SLC35F3: variants seen among roughly 807,000 people sequenced by gnomAD.
SLC35F3 encodes the protein solute carrier family 35 member F3.
SLC35F3 carries 25 observed loss-of-function variants against 49.9 expected under a neutral mutation model. The ratio of observed to expected loss-of-function variants is 0.50; its 90% CI spans 0.37 to 0.70. The LOEUF (loss-of-function observed/expected upper bound fraction) is 0.70. Ranked by LOEUF, SLC35F3 falls within the 30% of genes least tolerant of loss-of-function variation. The pLI, the probability that SLC35F3 is intolerant of heterozygous loss-of-function variation, is 0.00. For missense variants in SLC35F3, 525 were observed against 639.8 expected (o/e 0.82, Z 1.94); for synonymous variants, 275 against 265.4 (o/e 1.04, Z -0.35).
chr1:234,010,515 A>G (rs535197876), intron 2 of SLC35F3, among the ~76,000 whole-genome samples: 6 of 152,206 alleles, frequency 3.9e-5, no homozygotes, highest in Non-Finnish European at 8.8e-5. Flanking sequence ...TTGAATGTAA[A>G]TAGATTAAAA....
intron 2 of SLC35F3, among the ~76,000 whole-genome samples, chr1:233,907,730 G>GT (rs1661799284): frequency 3.3e-5 from 5 of 150,508 alleles, no homozygotes; most frequent in African/African-American, 1.2e-4. Flanking sequence ...TTTTTTCTTT[G>GT]TTTTTTGAGA....
At chr1:234,083,573 C>T (rs545845774) in intron 2 of SLC35F3, among the ~76,000 whole-genome samples, 26 of 152,308 alleles carry the variant, frequency 1.7e-4, no homozygotes, top group South Asian at 1.2e-3. Context: ...CTTCTGCACC[C>T]TCGATGTCTT....
At chr1:234,268,231 T>C (rs986243858) in intron 3 of SLC35F3, among the ~76,000 whole-genome samples, 14 of 151,980 alleles carry the variant, frequency 9.2e-5, no homozygotes, top group Non-Finnish European at 1.8e-4. Flanking sequence ...GGCTGGCGGA[T>C]CACTCGCGAT....
At chr1:234,135,217 T>C (rs1374138439) in intron 2 of SLC35F3, among the ~76,000 whole-genome samples, 1 of 152,140 alleles carries the variant, frequency 6.6e-6, no homozygotes, top group Non-Finnish European at 1.5e-5. Context: ...TTAGTTATCA[T>C]GAAAGAGTGA....
chr1:234,124,943 A>G (rs1273410782), intron 2 of SLC35F3, among the ~76,000 whole-genome samples: 3 of 152,216 alleles, frequency 2.0e-5, no homozygotes, highest in Non-Finnish European at 2.9e-5. Context: ...CATGCATTGC[A>G]CACACTTGTC....
chr1:234,128,506 G>A (rs1665682761), intron 2 of SLC35F3, among the ~76,000 whole-genome samples: 1 of 152,142 alleles, frequency 6.6e-6, no homozygotes, highest in African/African-American at 2.4e-5. Context: ...AATGAGGTGA[G>A]GAATGGCGGA....
rs189283081 is a variant in SLC35F3, at chr1:233,917,688, A to G, written c.283+11930A>G. On this transcript the variant is annotated intron_variant, in intron 2 of 7. Coordinates refer to ENST00000366618, the MANE Select transcript of SLC35F3 (RefSeq NM_173508.4). ...TTTCTCTCTTGCACTACTGTACATT[A>G]TGTTTGTAGAGTTTCTCCAATTCCT... Among the ~76,000 whole-genome samples the G allele has an allele frequency of 7.2e-5, 11 of 152,294 alleles. No individual in the cohort carries two copies. In the East Asian group the frequency reaches 2.1e-3, roughly 29 times the overall value.
At chr1:233,965,176 A>G (rs988103008) in intron 2 of SLC35F3, among the ~76,000 whole-genome samples, 2 of 152,214 alleles carry the variant, frequency 1.3e-5, no homozygotes, top group Admixed American at 6.5e-5. Flanking sequence ...TAAGGGTTGA[A>G]GTTTTTTTAG....
At chr1:234,266,737 C>A (rs1424417687) in intron 3 of SLC35F3, among the ~76,000 whole-genome samples, 1 of 152,078 alleles carries the variant, frequency 6.6e-6, no homozygotes, top group Admixed American at 6.5e-5. Flanking sequence ...ACAACTGTAA[C>A]ACAATGGTAA....
chr1:234,177,637 C>T (rs774175916), intron 2 of SLC35F3, among the ~76,000 whole-genome samples: 68 of 152,180 alleles, frequency 4.5e-4, no homozygotes, highest in Non-Finnish European at 9.0e-4. Flanking sequence ...GAGGAACTTA[C>T]AGAGTTGTAG....
At chr1:234,205,941 G>A (rs1666963751) in intron 2 of SLC35F3, among the ~76,000 whole-genome samples, 1 of 152,202 alleles carries the variant, frequency 6.6e-6, no homozygotes, top group Non-Finnish European at 1.5e-5. Context: ...GTAGAGGAAG[G>A]AGGAGAAGAA....
chr1:234,042,636 G>A (rs1273461875), intron 2 of SLC35F3, among the ~76,000 whole-genome samples: 1 of 152,124 alleles, frequency 6.6e-6, no homozygotes, highest in Non-Finnish European at 1.5e-5. Context: ...CAACCACAGA[G>A]GATATGGGAA....
chr1:234,083,273 T>A (rs566225492), intron 2 of SLC35F3, among the ~76,000 whole-genome samples: 1 of 152,232 alleles, frequency 6.6e-6, no homozygotes, highest in Admixed American at 6.5e-5. Context: ...CTCAAAGCAG[T>A]CTTTGATAGA....
At chr1:234,277,894 A>T (rs1471666313) in intron 3 of SLC35F3, among the ~76,000 whole-genome samples, 1 of 152,232 alleles carries the variant, frequency 6.6e-6, no homozygotes. Context: ...ATCACTTGGG[A>T]AAAAGAAAGA....
chr1:234,278,065 C>T (rs193003073), intron 3 of SLC35F3, among the ~76,000 whole-genome samples: 10 of 152,078 alleles, frequency 6.6e-5, no homozygotes, highest in South Asian at 2.1e-4. Flanking sequence ...TAGAGGCATG[C>T]GCCTGTGGTC....
chr1:234,219,954 G>A (rs1211872074), intron 2 of SLC35F3, among the ~76,000 whole-genome samples: 1 of 152,322 alleles, frequency 6.6e-6, no homozygotes, highest in South Asian at 2.1e-4. Flanking sequence ...GGGTGGCGCT[G>A]GGAGACCAGC....
intron 2 of SLC35F3, among the ~76,000 whole-genome samples, chr1:234,175,457 C>T (rs2102920961): frequency 6.6e-6 from 1 of 152,208 alleles, no homozygotes; most frequent in South Asian, 2.1e-4. Context: ...CTATTTAAAT[C>T]TCCCATGTAT....
chr1:234,099,690 G>A (rs142856135), intron 2 of SLC35F3, among the ~76,000 whole-genome samples: 3,603 of 150,796 alleles, frequency 0.024, 73 homozygotes, highest in Middle Eastern at 0.06. Flanking sequence ...AGAGAACACA[G>A]AGTTGCATTC....
chr1:234,125,733 A>G (rs1665636478), intron 2 of SLC35F3, among the ~76,000 whole-genome samples: 1 of 152,022 alleles, frequency 6.6e-6, no homozygotes, highest in African/African-American at 2.4e-5. Context: ...CTTCAGAGAA[A>G]TTTTTCATCC....
Sources: allele counts gnomAD v4.1 joint callset (sites outside exome capture counted in the v4.1 genomes callset), GRCh38; gene constraint gnomAD v4.1.1; transcripts MANE v1.5; gene names NCBI Gene and HGNC (gene_info 2026-07-23, HGNC 2026-07-21).